The following SPATA16 variants were observed in gnomAD, a reference collection of about 807,000 sequenced individuals.
SPATA16 encodes spermatogenesis-associated protein 16.
In SPATA16, 36 loss-of-function variants were observed where a neutral mutation model predicts 63.3. The ratio of observed to expected loss-of-function variants is 0.57; its 90% CI spans 0.44 to 0.75. SPATA16 has a LOEUF of 0.75. Ranked by LOEUF, SPATA16 falls within the 30% of genes least tolerant of loss-of-function variation. SPATA16 has a pLI of 0.00. For synonymous variants in SPATA16, 203 were observed against 216.7 expected (o/e 0.94, Z 0.56); for missense variants, 646 against 679.3 (o/e 0.95, Z 0.54).
At chr3:173,033,164 G>GA (rs967328702) in intron 3 of SPATA16, among the ~76,000 whole-genome samples, 1 of 152,006 alleles carries the variant, frequency 6.6e-6, no homozygotes, top group African/African-American at 2.4e-5. Context: ...CAATTCCCAA[G>GA]AAAAAATATA....
intron 5 of SPATA16, among the ~76,000 whole-genome samples, chr3:172,970,596 T>C (rs1158125273): frequency 6.6e-6 from 1 of 152,318 alleles, no homozygotes; most frequent in Admixed American, 6.5e-5. Flanking sequence ...TTACATCTAA[T>C]CTAAATACTA....
intron 10 of SPATA16, among the ~76,000 whole-genome samples, chr3:172,899,470 T>A (rs929736801): frequency 6.6e-6 from 1 of 152,084 alleles, no homozygotes; most frequent in East Asian, 1.9e-4. Context: ...CTTTTGTTAA[T>A]GTTTACATGA....
intron 1 of SPATA16, among the ~76,000 whole-genome samples, chr3:173,134,526 G>T (rs1056568697): frequency 6.6e-6 from 1 of 152,026 alleles, no homozygotes; most frequent in South Asian, 2.1e-4. Context: ...GTAAAGCAAG[G>T]CTGCCTCGCA....
intron 3 of SPATA16, 103 bp from the exon 4 acceptor site, chr3:173,019,678 G>T: frequency 9.2e-7 from 1 of 1,088,192 alleles, no homozygotes; most frequent in South Asian, 1.3e-5. Flanking sequence ...TATATACTAT[G>T]TGTTTTTAAA....
At chr3:172,996,970 T>C (rs112299164) in intron 4 of SPATA16, among the ~76,000 whole-genome samples, 1,904 of 152,238 alleles carry the variant, frequency 0.013, 16 homozygotes, top group Non-Finnish European at 0.018. Context: ...GAGAGCTCAT[T>C]TCTTTTTAGT....
intron 3 of SPATA16, among the ~76,000 whole-genome samples, chr3:173,034,383 T>C (rs550776175): frequency 6.6e-6 from 1 of 152,262 alleles, no homozygotes; most frequent in South Asian, 2.1e-4. Flanking sequence ...GGATTTTTGA[T>C]GTTAGAGTCT....
chr3:172,950,184 T>G (rs1011289767), intron 6 of SPATA16, among the ~76,000 whole-genome samples: 1 of 152,196 alleles, frequency 6.6e-6, no homozygotes, highest in Non-Finnish European at 1.5e-5. Flanking sequence ...TCAGGTGCAG[T>G]GGATGATGGA....
chr3:172,976,568 CT>C lies in SPATA16; in HGVS notation c.933+399del, dbSNP rs550294397. ...AATAGTAAATAGTAAACAAATACAT[CT>C]GATCTTTGCATTTTTCCTTTATTAT... is the stretch of plus-strand genomic sequence containing the variant. On this transcript the variant is annotated intron_variant, in intron 5 of 10. Coordinates refer to ENST00000351008, the MANE Select transcript of SPATA16 (RefSeq NM_031955.6). Among the ~76,000 whole-genome samples the C allele has an allele frequency of 3.9e-5, 6 of 152,196 alleles. No homozygotes were observed. In the East Asian group the frequency reaches 1.2e-3, roughly 29 times the overall value.
At chr3:173,069,725 A>G (rs6445098) in intron 2 of SPATA16, among the ~76,000 whole-genome samples, 63,298 of 152,000 alleles carry the variant, frequency 0.42, 14,642 homozygotes, top group African/African-American at 0.63. Context: ...ACATAGATAC[A>G]AAAATCCTCA....
At position 173,117,491 on chromosome 3, in the gene SPATA16, C is replaced by A; in HGVS notation, c.241G>T (p.Ala81Ser). The change falls in exon 2 of 11, where the codon GCC becomes TCC. Residue 81 changes from alanine (A) to serine (S), a missense_variant. Ala to Ser is a moderately conservative substitution (Grantham distance 99). Coordinates refer to ENST00000351008, the MANE Select transcript of SPATA16 (RefSeq NM_031955.6). ...TCACCTTCTGCCTTCCGTTTAAAGGCTGCTTTCTCTAAATCATTGCTTTGT... is the reference window on the plus strand; with the variant it reads ...TCACCTTCTGCCTTCCGTTTAAAGGATGCTTTCTCTAAATCATTGCTTTGT... Reference protein sequence around the residue: ...EKQSNDLEKAAFKRKAEGEEK... With the variant: ...EKQSNDLEKASFKRKAEGEEK... 1.9e-6 allele frequency: 3 copies of A among 1,614,156 alleles called. No individual in the cohort carries two copies. Among genetic ancestry groups the A allele is most frequent in the Non-Finnish European group, 2.5e-6 (3 of 1,180,012 alleles).
chr3:173,030,704 T>G (rs1362941234), intron 3 of SPATA16, among the ~76,000 whole-genome samples: 1 of 152,070 alleles, frequency 6.6e-6, no homozygotes, highest in Non-Finnish European at 1.5e-5. Context: ...AATTACTACA[T>G]GATCCAGCAA....
chr3:173,093,143 C>T (rs185161142), intron 2 of SPATA16, among the ~76,000 whole-genome samples: 1 of 151,790 alleles, frequency 6.6e-6, no homozygotes, highest in Non-Finnish European at 1.5e-5. Flanking sequence ...GAAAGTCTAT[C>T]CCCAATTCTA....
intron 2 of SPATA16, among the ~76,000 whole-genome samples, chr3:173,082,040 G>T (rs1410689374): frequency 6.6e-6 from 1 of 152,072 alleles, no homozygotes; most frequent in East Asian, 1.9e-4. Context: ...AATATTCTGT[G>T]GCTGAACCTA....
At chr3:173,134,687 T>G (rs941982088) in intron 1 of SPATA16, among the ~76,000 whole-genome samples, 1 of 152,114 alleles carries the variant, frequency 6.6e-6, no homozygotes, top group African/African-American at 2.4e-5. Flanking sequence ...AAACTTATTT[T>G]TAAAATAAAT....
intron 2 of SPATA16, among the ~76,000 whole-genome samples, chr3:173,090,854 A>C (rs944817640): frequency 6.6e-6 from 1 of 152,200 alleles, no homozygotes; most frequent in Admixed American, 6.6e-5. Flanking sequence ...CATGAATGGG[A>C]CCAGAAGAGT....
At chr3:173,086,565 T>C (rs11914951) in intron 2 of SPATA16, among the ~76,000 whole-genome samples, 5,562 of 152,254 alleles carry the variant, frequency 0.037, 343 homozygotes, top group African/African-American at 0.13. Flanking sequence ...TGGTTATTTC[T>C]TGTATTCTGC....
chr3:173,049,079 C>A lies in SPATA16; in HGVS notation c.628G>T (p.Ala210Ser), dbSNP rs762775967. The A allele has an allele frequency of 9.9e-6, 16 of 1,613,230 alleles. No individual in the cohort carries two copies. In the East Asian group the frequency reaches 3.6e-4, roughly 36 times the overall value. The change falls in exon 3 of 11, where the codon GCA becomes TCA. Residue 210 changes from alanine to serine, a missense_variant. By Grantham distance (99) the Ala-to-Ser change is moderately conservative (BLOSUM62 1). Coordinates refer to ENST00000351008, the MANE Select transcript of SPATA16 (RefSeq NM_031955.6). ...RTALELCSKG[A>S]VLGEPFDAPA... ...GCATCAAATGGTTCTCCCAGAACTG[C>A]TCCTTTGCTGCAAAGCTTTAAAAAA...
At chr3:172,979,153 C>T (rs1056723262) in intron 4 of SPATA16, among the ~76,000 whole-genome samples, 3 of 152,136 alleles carry the variant, frequency 2.0e-5, no homozygotes, top group Admixed American at 6.5e-5. Context: ...AGGAGGATGC[C>T]GTGAACCCAG....
At chr3:173,098,755 A>T (rs1737419561) in intron 2 of SPATA16, among the ~76,000 whole-genome samples, 1 of 152,200 alleles carries the variant, frequency 6.6e-6, no homozygotes, top group Non-Finnish European at 1.5e-5. Flanking sequence ...AAAATATGCC[A>T]TGGTGCTTCT....
Sources: gnomAD v4.1 joint callset for allele counts (sites outside exome capture counted in the v4.1 genomes callset) on GRCh38, gnomAD v4.1.1 for gene constraint, MANE v1.5 for transcripts, NCBI Gene and HGNC (gene_info 2026-07-23, HGNC 2026-07-21) for gene names.